RPP25L: variants seen among roughly 807,000 people sequenced by gnomAD.
The protein encoded by RPP25L is ribonuclease P/MRP subunit p25 like.
RPP25L carries 5 observed loss-of-function variants against 10.1 expected under a neutral mutation model. That is an observed-to-expected ratio of 0.50 (90% CI 0.26 to 1.04). RPP25L has a LOEUF of 1.04. Among genes scored for constraint, RPP25L ranks in the 50% least tolerant of loss-of-function variants. The pLI is 0.14. For synonymous variants in RPP25L, 96 were observed against 88.6 expected (o/e 1.08, Z -0.47); for missense variants, 192 against 217.3 (o/e 0.88, Z 0.73).
Position 34,610,905 on chromosome 9 carries a change from C to T in RPP25L, c.392G>A (p.Cys131Tyr), listed in dbSNP as rs1409311953. The T allele has an allele frequency of 2.5e-6, 4 of 1,606,754 alleles. No homozygotes were observed. The highest frequency in any genetic ancestry group is 3.4e-6 in the Non-Finnish European group (4 of 1,174,918). Residue 131 changes from cysteine to tyrosine, a missense_variant, in exon 2 of 2, where the codon TGT (cysteine) becomes TAT (tyrosine). Physicochemically the swap from Cys to Tyr is radical, Grantham distance 194. Coordinates refer to ENST00000378959, the MANE Select transcript of RPP25L (RefSeq NM_148178.3). ...LSRDPLDPNE[C>Y]GYQPPGAPPG... The stretch of plus-strand genomic sequence containing the variant: ...GGGTGCTCCTGGGGGTTGGTAACCA[C>T]ACTCATTGGGGTCCAGGGGGTCCCG...
Position 34,611,342 on chromosome 9 carries a change from A to G in RPP25L, c.-36-10T>C, listed in dbSNP as rs1389071810. ...TGACTCTCGCTGCCCACTGCAGGGA[A>G]GCATCAGGTAAGTGCTAAGCAATGT... On this transcript the variant is annotated splice_polypyrimidine_tract_variant and intron_variant, in intron 1 of 1. Coordinates refer to ENST00000378959, the MANE Select transcript of RPP25L (RefSeq NM_148178.3). The surrounding 1 kb of genome is among the most constrained non-coding windows in gnomAD (Gnocchi z 4.4). 2 of 1,587,848 alleles carry G rather than the reference A, an allele frequency of 1.3e-6. No homozygotes were observed. The highest frequency in any genetic ancestry group is 1.7e-5 in the Admixed American group (1 of 58,818).
Position 34,611,168 on chromosome 9 carries a change from A to G in RPP25L, c.129T>C (p.Ala43=). The G allele has an allele frequency of 1.2e-6, 2 of 1,614,078 alleles. No homozygotes were observed. The highest frequency in any genetic ancestry group is 1.7e-6 in the Non-Finnish European group (2 of 1,180,000). Residue 43 remains alanine, a synonymous_variant, in exon 2 of 2, where the codon GCT becomes GCC. Coordinates refer to ENST00000378959, the MANE Select transcript of RPP25L (RefSeq NM_148178.3). This position sits in a 1 kb window ranked among gnomAD's most constrained non-coding sequence, Gnocchi z 4.4. ...CACTGCCGCCCTCCAACCGACCCAG[A>G]GCCAACCCCAGCAGGTTGCGAATTT... is the stretch of plus-strand genomic sequence containing the variant. The part of the protein sequence containing the change: ...GSKIRNLLGL[A]LGRLEGGSAR...
Position 34,611,833 on chromosome 9 carries a change from G to C in RPP25L, c.-37+231C>G, listed in dbSNP as rs1435908817. The C allele has an allele frequency of 6.4e-6, 1 of 157,472 alleles. No homozygotes were observed. Among genetic ancestry groups the C allele is most frequent in the East Asian group, 1.9e-4 (1 of 5,260 alleles). 9.8% of individuals were successfully genotyped at this position (157,472 alleles called of 1,614,324 possible). ...CCTTATCCAGTGCTGCCCCCAAACA[G>C]AACGGATCCCCTCTCCCAGAGATTA... On this transcript the variant is annotated intron_variant, in intron 1 of 1. Transcript: ENST00000378959. This position sits in a 1 kb window ranked among gnomAD's most constrained non-coding sequence, Gnocchi z 4.4.
chr9:34,610,847 A>C lies in RPP25L; in HGVS notation c.450T>G (p.Cys150Trp). 3 of 1,550,324 alleles carry C rather than the reference A, an allele frequency of 1.9e-6. No homozygotes were observed. The highest frequency in any genetic ancestry group is 2.6e-6 in the Non-Finnish European group (3 of 1,146,050). Residue 150 changes from cysteine to tryptophan, a missense_variant, in exon 2 of 2, where the codon TGT (cysteine) becomes TGG (tryptophan). Coordinates refer to ENST00000378959, the MANE Select transcript of RPP25L (RefSeq NM_148178.3). The part of the protein sequence containing the change: ...PGLGSMPSSS[C>W]GPRSRRRARD... ...GAGCCCTTCTTCGGGAACGAGGGCC[A>C]CAGCTGGAGCTGGGCATGGAACCCA...
chr9:34,610,812 C>A lies in RPP25L; in HGVS notation c.485G>T (p.Arg162Leu). Residue 162 changes from arginine to leucine, a missense_variant, in exon 2 of 2, where the codon CGA (arginine) becomes CTA (leucine). Coordinates refer to ENST00000378959, the MANE Select transcript of RPP25L (RefSeq NM_148178.3). Reference protein sequence around the residue: ...PRSRRRARDTRS With the variant: ...PRSRRRARDTLS Reference sequence around the variant, plus strand: ...GGCTGGCTCAGCAGGTCTTCACGATCGGGTGTCTCGAGCCCTTCTTCGGGA... The same window carrying A: ...GGCTGGCTCAGCAGGTCTTCACGATAGGGTGTCTCGAGCCCTTCTTCGGGA... The A allele has an allele frequency of 6.6e-7, 1 of 1,526,018 alleles. No individual in the cohort carries two copies. Among genetic ancestry groups the A allele is most frequent in the Non-Finnish European group, 8.8e-7 (1 of 1,136,646 alleles). 94.5% of individuals were successfully genotyped at this position (1,526,018 alleles called of 1,614,324 possible). A position where few individuals can be genotyped will look rare whatever the true frequency, so the allele number is the denominator to read the frequency against.
Position 34,611,717 on chromosome 9 carries a change from T to G in RPP25L, c.-37+347A>C. ...AGGGCCTGGAACCCTCACCCCAGAC[T>G]AATACCAATAGAGAGCGCTCCTCAC... On this transcript the variant is annotated intron_variant, in intron 1 of 1. Coordinates refer to ENST00000378959, the MANE Select transcript of RPP25L (RefSeq NM_148178.3). This position sits in a 1 kb window ranked among gnomAD's most constrained non-coding sequence, Gnocchi z 4.4. The G allele has an allele frequency of 5.1e-6, 1 of 197,914 alleles. No homozygotes were observed. The allele number at this position is 197,914 out of a possible 1,614,324, so 12.3% of individuals were successfully genotyped here.
rs1427154616 is a variant in RPP25L at position 34,611,213 on chromosome 9, C to T, written c.84G>A (p.Met28Ile). Residue 28 changes from methionine to isoleucine, a missense_variant, in exon 2 of 2, where the codon ATG (methionine) becomes ATA (isoleucine). By Grantham distance (10) the Met-to-Ile change is conservative. Coordinates refer to ENST00000378959, the MANE Select transcript of RPP25L (RefSeq NM_148178.3). The surrounding 1 kb of genome is among the most constrained non-coding windows in gnomAD (Gnocchi z 4.4). ...MPQLPPDTLEMRVRDGSKIRN... is the reference protein window; with the variant it reads ...MPQLPPDTLEIRVRDGSKIRN... ...GAATTTTGCTGCCATCTCGGACCCG[C>T]ATCTCAAGGGTATCAGGAGGTAGCT... 2 of 1,613,980 alleles carry T rather than the reference C, an allele frequency of 1.2e-6. No homozygotes were observed. The highest frequency in any genetic ancestry group is 1.7e-6 in the Non-Finnish European group (2 of 1,180,034).
chr9:34,610,599 A>G lies in RPP25L; in HGVS notation c.*206T>C, dbSNP rs1355017653. 2.1e-5 allele frequency: 12 copies of G among 568,766 alleles called. No homozygotes were observed. Among genetic ancestry groups the G allele is most frequent in the Non-Finnish European group, 3.0e-5 (10 of 330,344 alleles). 35.2% of individuals were successfully genotyped at this position (568,766 alleles called of 1,614,324 possible). On this transcript the variant is annotated 3_prime_UTR_variant, in exon 2 of 2. Transcript: ENST00000378959. ...AGGCAGAGGAAGCCCTTATTTAGCA[A>G]TGCAGAACTTGGCAGAGGCCCCACA...
At position 34,611,138 on chromosome 9, in the gene RPP25L, C is replaced by T. The variant is rs370304650; in HGVS notation, c.159G>A (p.Arg53=). Residue 53 remains arginine (R), a synonymous_variant, in exon 2 of 2, where the codon CGG becomes CGA. Coordinates refer to ENST00000378959, the MANE Select transcript of RPP25L (RefSeq NM_148178.3). This position sits in a 1 kb window ranked among gnomAD's most constrained non-coding sequence, Gnocchi z 4.4. ...ALGRLEGGSA[R]HVVFSGSGRA... ...TGCCAGAACCTGAGAACACTACATG[C>T]CGAGCACTGCCGCCCTCCAACCGAC... 14 of 1,614,024 alleles carry T rather than the reference C, an allele frequency of 8.7e-6. No homozygotes were observed. The highest frequency in any genetic ancestry group is 4.4e-5 in the South Asian group (4 of 91,086).
rs772203544 is a variant in RPP25L, at chr9:34,610,693, C to A, written c.*112G>T. On this transcript the variant is annotated 3_prime_UTR_variant, in exon 2 of 2. Transcript: ENST00000378959. ...AGGGGAAGCATGATAGGGAGGTCCACTTTTGTGGACTCAAACCTTGATGGG... is the reference window on the plus strand; with the variant it reads ...AGGGGAAGCATGATAGGGAGGTCCAATTTTGTGGACTCAAACCTTGATGGG... 1 of 1,256,448 alleles carries A rather than the reference C, an allele frequency of 8.0e-7. No homozygotes were observed. The highest frequency in any genetic ancestry group is 1.1e-6 in the Non-Finnish European group (1 of 917,344). The allele number at this position is 1,256,448 out of a possible 1,614,324, so 77.8% of individuals were successfully genotyped here.
rs370733220 is a variant in RPP25L at position 34,610,839 on chromosome 9, C to T, written c.458G>A (p.Arg153His). The T allele has an allele frequency of 5.5e-5, 85 of 1,542,398 alleles. No homozygotes were observed. The highest frequency in any genetic ancestry group is 7.2e-5 in the Non-Finnish European group (82 of 1,142,576). ...GSMPSSSCGP[R>H]SRRRARDTRS Reference sequence around the variant, plus strand: ...GGTGTCTCGAGCCCTTCTTCGGGAACGAGGGCCACAGCTGGAGCTGGGCAT... The same window carrying T: ...GGTGTCTCGAGCCCTTCTTCGGGAATGAGGGCCACAGCTGGAGCTGGGCAT... The change falls in exon 2 of 2, where the codon CGT becomes CAT. Residue 153 changes from arginine to histidine, a missense_variant. Physicochemically the swap from Arg to His is conservative, Grantham distance 29. Coordinates refer to ENST00000378959, the MANE Select transcript of RPP25L (RefSeq NM_148178.3).
rs750039440 is a variant in RPP25L, at chr9:34,610,840, G to A, written c.457C>T (p.Arg153Cys). 4.5e-6 allele frequency: 7 copies of A among 1,543,284 alleles called. No homozygotes were observed. The highest frequency in any genetic ancestry group is 4.1e-5 in the African/African-American group (3 of 72,964). ...GTGTCTCGAGCCCTTCTTCGGGAAC[G>A]AGGGCCACAGCTGGAGCTGGGCATG... ...GSMPSSSCGP[R>C]SRRRARDTRS Residue 153 changes from arginine (R) to cysteine (C), a missense_variant, in exon 2 of 2, where the codon CGT becomes TGT. Physicochemically the swap from Arg to Cys is radical, Grantham distance 180. Transcript: ENST00000378959.
In RPP25L at chr9:34,611,318, G is replaced by T. The variant is rs368927246; in HGVS notation, c.-22C>A. The stretch of plus-strand genomic sequence containing the variant: ...CCATCCTGCTTGCTGTCTTGTCTGT[G>T]ACTCTCGCTGCCCACTGCAGGGAAG... On this transcript the variant is annotated 5_prime_UTR_variant, in exon 2 of 2. Transcript: ENST00000378959. The surrounding 1 kb of genome is among the most constrained non-coding windows in gnomAD (Gnocchi z 4.4). 6.2e-7 allele frequency: 1 copy of T among 1,605,846 alleles called. No homozygotes were observed. Among genetic ancestry groups the T allele is most frequent in the South Asian group, 1.1e-5 (1 of 90,314 alleles).
chr9:34,611,477 G>A lies in RPP25L; in HGVS notation c.-36-145C>T. Reference sequence around the variant, plus strand: ...TGTCCCCTTGTCCTTAGCATCTCGTGACAAGGTCCATGCCTGCCGCAGTCT... The same window carrying A: ...TGTCCCCTTGTCCTTAGCATCTCGTAACAAGGTCCATGCCTGCCGCAGTCT... On this transcript the variant is annotated intron_variant, in intron 1 of 1. Transcript: ENST00000378959. The surrounding 1 kb of genome is among the most constrained non-coding windows in gnomAD (Gnocchi z 4.4). 1 of 686,490 alleles carries A rather than the reference G, an allele frequency of 1.5e-6. No homozygotes were observed. Among genetic ancestry groups the A allele is most frequent in the Non-Finnish European group, 2.4e-6 (1 of 413,328 alleles). 42.5% of individuals were successfully genotyped at this position (686,490 alleles called of 1,614,324 possible). A position where few individuals can be genotyped will look rare whatever the true frequency, so the allele number is the denominator to read the frequency against.
Position 34,611,095 on chromosome 9 carries a change from C to G in RPP25L, c.202G>C (p.Val68Leu). Reference protein sequence around the residue: ...SGSGRAAGKAVSCAEIVKRRV... With the variant: ...SGSGRAAGKALSCAEIVKRRV... ...CGCTTGACAATCTCAGCGCAGCTGACAGCCTTTCCTGCAGCCCTGCCAGAA... is the reference window on the plus strand; with the variant it reads ...CGCTTGACAATCTCAGCGCAGCTGAGAGCCTTTCCTGCAGCCCTGCCAGAA... Residue 68 changes from valine to leucine, a missense_variant, in exon 2 of 2, where the codon GTC (valine) becomes CTC (leucine). Val to Leu is a conservative substitution (Grantham distance 32). Coordinates refer to ENST00000378959, the MANE Select transcript of RPP25L (RefSeq NM_148178.3). The surrounding 1 kb of genome is among the most constrained non-coding windows in gnomAD (Gnocchi z 4.4). 1.2e-6 allele frequency: 2 copies of G among 1,614,154 alleles called. No individual in the cohort carries two copies. The highest frequency in any genetic ancestry group is 1.7e-6 in the Non-Finnish European group (2 of 1,180,016).
At position 34,611,350 on chromosome 9, in the gene RPP25L, G is replaced by GT. The variant is rs1180513802; in HGVS notation, c.-36-19dup. The stretch of plus-strand genomic sequence containing the variant: ...GCTGCCCACTGCAGGGAAGCATCAG[G>GT]TAAGTGCTAAGCAATGTGCCCCAAG... On this transcript the variant is annotated intron_variant, in intron 1 of 1. Transcript: ENST00000378959. This position sits in a 1 kb window ranked among gnomAD's most constrained non-coding sequence, Gnocchi z 4.4. 6 of 1,577,586 alleles carry GT rather than the reference G, an allele frequency of 3.8e-6. No homozygotes were observed. The African/African-American group carries it at 5.4e-5, about 14-fold the overall frequency.
Position 34,611,060 on chromosome 9 carries a change from T to C in RPP25L, c.237A>G (p.Pro79=). The C allele has an allele frequency of 6.2e-7, 1 of 1,614,046 alleles. No homozygotes were observed. The highest frequency in any genetic ancestry group is 8.5e-7 in the Non-Finnish European group (1 of 1,180,004). Residue 79 remains proline (P), a synonymous_variant, in exon 2 of 2, where the codon CCA becomes CCG. Coordinates refer to ENST00000378959, the MANE Select transcript of RPP25L (RefSeq NM_148178.3). The surrounding 1 kb of genome is among the most constrained non-coding windows in gnomAD (Gnocchi z 4.4). ...SCAEIVKRRV[P]GLHQLTKLRF... is the part of the protein sequence containing the mutation. ...GTAGCTTGGTGAGCTGGTGCAGGCC[T>C]GGGACCCGCCGCTTGACAATCTCAG...
chr9:34,611,022 G>A lies in RPP25L; in HGVS notation c.275C>T (p.Thr92Ile). The A allele has an allele frequency of 1.2e-6, 2 of 1,614,008 alleles. No homozygotes were observed. The highest frequency in any genetic ancestry group is 1.7e-6 in the Non-Finnish European group (2 of 1,179,980). Residue 92 changes from threonine (T) to isoleucine (I), a missense_variant, in exon 2 of 2, where the codon ACT (threonine) becomes ATT (isoleucine). Physicochemically the swap from Thr to Ile is moderately conservative, Grantham distance 89. Coordinates refer to ENST00000378959, the MANE Select transcript of RPP25L (RefSeq NM_148178.3). This position sits in a 1 kb window ranked among gnomAD's most constrained non-coding sequence, Gnocchi z 4.4. ...TGAGGCTGGGACCCAGCTGTCCTCAGTCTGAAGGAAACGTAGCTTGGTGAG... is the reference window on the plus strand; with the variant it reads ...TGAGGCTGGGACCCAGCTGTCCTCAATCTGAAGGAAACGTAGCTTGGTGAG... ...HQLTKLRFLQ[T>I]EDSWVPASPD...
intron 1 of RPP25L, 42 bp downstream of exon 1, chr9:34,612,022 A>G (rs1427219974): frequency 1.3e-5 from 2 of 150,888 alleles, no homozygotes; most frequent in Non-Finnish European, 3.0e-5. Flanking sequence ...GCGTCCCCCA[A>G]CCCTACGAGC....
Sources: allele counts gnomAD v4.1 joint callset, GRCh38; gene constraint gnomAD v4.1.1; non-coding constraint Gnocchi (gnomAD v3.1); transcripts MANE v1.5; gene names NCBI Gene and HGNC (gene_info 2026-07-23, HGNC 2026-07-21).